Variants in DHX30 observed in about 807,000 individuals in gnomAD.
The protein encoded by DHX30 is DExH-box helicase 30, also known as ATP-dependent RNA helicase DHX30.
Under a neutral mutation model 116.9 loss-of-function variants are expected in DHX30, and 4 were observed. The observed-to-expected ratio is 0.03, with a 90% CI of 0.02 to 0.08. The LOEUF (loss-of-function observed/expected upper bound fraction) is 0.08. Ranked by LOEUF, DHX30 falls within the 10% of genes least tolerant of loss-of-function variation. The pLI is 1.00. For synonymous variants in DHX30, 697 were observed against 651.7 expected, an observed-to-expected ratio of 1.07 and a Z score of -1.06; for missense variants, 871 against 1,595.1, an observed-to-expected ratio of 0.55 and a Z score of 7.73.
At chr3:47,815,713 T>C (rs376577206) in intron 3 of DHX30, among the ~76,000 whole-genome samples, 1 of 3,436 alleles carries the variant, frequency 2.9e-4, no homozygotes, top group African/African-American at 1.2e-3. Flanking sequence ...AGCTGAACAA[T>C]AAAAAAGAGC....
intron 3 of DHX30, among the ~76,000 whole-genome samples, chr3:47,814,230 G>A (rs2035935918): frequency 6.7e-6 from 1 of 150,138 alleles, no homozygotes; most frequent in Non-Finnish European, 1.5e-5. Context: ...TTCGAGACCA[G>A]CCTGGCCAAC....
rs985267936 is a variant in DHX30 at position 47,837,633 on chromosome 3, C to G, written c.367-3244C>G. The stretch of plus-strand genomic sequence containing the variant: ...AAAATTAGCCGGGCCTGGTGGCGTA[C>G]GCCTGTAATCCCAGCTACACAGGAA... On this transcript the variant is annotated intron_variant, in intron 6 of 21. Coordinates refer to ENST00000445061, the MANE Select transcript of DHX30 (RefSeq NM_138615.3). 6.6e-5 allele frequency among the ~76,000 whole-genome samples: 10 copies of G among 152,248 alleles called. No homozygotes were observed. The South Asian group carries it at 1.5e-3, about 22-fold the overall frequency.
At chr3:47,842,804 C>T (rs2037440999) in intron 8 of DHX30, 1 of 286,060 alleles carries the variant, frequency 3.5e-6, no homozygotes, top group Non-Finnish European at 6.6e-6. Flanking sequence ...CAGCTTCAAC[C>T]CACAGCTGCC....
intron 4 of DHX30, chr3:47,824,969 TC>T (rs2036477185): frequency 2.0e-6 from 1 of 502,956 alleles, no homozygotes; most frequent in South Asian, 2.8e-5. Context: ...CGCGCGGCGC[TC>T]GGGCCGGCCG....
Position 47,818,066 on chromosome 3 carries a change from C to A in DHX30, c.73C>A (p.Arg25Ser), listed in dbSNP as rs370921443. 1.3e-6 allele frequency: 1 copy of A among 781,052 alleles called. No homozygotes were observed. The highest frequency in any genetic ancestry group is 2.4e-6 in the Non-Finnish European group (1 of 418,122). 48.4% of individuals were successfully genotyped at this position (781,052 alleles called of 1,614,324 possible). The change falls in exon 4 of 22, where the codon CGC (arginine) becomes AGC (serine). Residue 25 changes from arginine (R) to serine (S), a missense_variant. Around this residue, in one of 13 missense-constraint regions of DHX30, gnomAD observed 66 missense variants for 153.9 expected, o/e 0.43. Coordinates refer to ENST00000445061, the MANE Select transcript of DHX30 (RefSeq NM_138615.3). Reference sequence around the variant, plus strand: ...GCGTCAGTGCAAACTTCCCCCACCCCGCCTTCCACCCATGTGTGTCAACCC... The same window carrying A: ...GCGTCAGTGCAAACTTCCCCCACCCAGCCTTCCACCCATGTGTGTCAACCC... ...RQRQCKLPPP[R>S]LPPMCVNPTP...
In DHX30 at chr3:47,846,188, C is replaced by T. The variant is rs769188625; in HGVS notation, c.1116C>T (p.Ile372=). Residue 372 remains isoleucine, a synonymous_variant, in exon 11 of 22, where the codon ATC becomes ATT. Coordinates refer to ENST00000445061, the MANE Select transcript of DHX30 (RefSeq NM_138615.3). The part of the protein sequence containing the change: ...LNHYPVESSW[I]APELRLQSDD... ...AGTACCCTGTGGAGAGTTCATGGATCGCCCCAGAACTCCGGCTGCAGAGTG... is the reference window on the plus strand; with the variant it reads ...AGTACCCTGTGGAGAGTTCATGGATTGCCCCAGAACTCCGGCTGCAGAGTG... 4 of 1,613,346 alleles carry T rather than the reference C, an allele frequency of 2.5e-6. No homozygotes were observed. The highest frequency in any genetic ancestry group is 3.4e-6 in the Non-Finnish European group (4 of 1,179,934).
intron 6 of DHX30, among the ~76,000 whole-genome samples, chr3:47,836,644 G>A (rs2037131500): frequency 6.6e-6 from 1 of 151,784 alleles, no homozygotes. Flanking sequence ...TCAGCCTCCC[G>A]AGTAGCTGGG....
intron 5 of DHX30, 47 bp from the exon 6 acceptor site, chr3:47,828,977 C>A: frequency 8.3e-7 from 1 of 1,199,984 alleles, no homozygotes; most frequent in South Asian, 1.3e-5. Flanking sequence ...TGCAACAACT[C>A]TAGTCTGGAG....
At chr3:47,832,940 C>CTTTTTTTTTTTTT (rs752858732) in intron 6 of DHX30, among the ~76,000 whole-genome samples, 1 of 118,732 alleles carries the variant, frequency 8.4e-6, no homozygotes, top group Admixed American at 8.7e-5. Context: ...TGCCTGGCCT[C>CTTTTTTTTTTTTT]TTTTTTTTTT....
In DHX30 at chr3:47,846,645, C is replaced by A; in HGVS notation, c.1573C>A (p.Pro525Thr). 1 of 1,614,018 alleles carries A rather than the reference C, an allele frequency of 6.2e-7. No individual in the cohort carries two copies. Among genetic ancestry groups the A allele is most frequent in the Non-Finnish European group, 8.5e-7 (1 of 1,179,962 alleles). ...VGFQVRLESK[P>T]PSRGGALLFC... ...CTTCCAGGTGCGGTTGGAAAGTAAG[C>A]CCCCATCCCGAGGCGGGGCCCTGCT... The change falls in exon 11 of 22, where the codon CCC (proline) becomes ACC (threonine). Residue 525 changes from proline to threonine, a missense_variant. Physicochemically the swap from Pro to Thr is conservative, Grantham distance 38 (BLOSUM62 -1). Transcript: ENST00000445061.
At position 47,848,583 on chromosome 3, in the gene DHX30, A is replaced by AGTGGC; in HGVS notation, c.2575+34_2576-36dup. ...GGGGCTGGGCTGGGCTGGGCTGGGG[A>AGTGGC]GTGGCTCTCGAGGGTGGTACTGACA... On this transcript the variant is annotated intron_variant, in intron 16 of 21. Coordinates refer to ENST00000445061, the MANE Select transcript of DHX30 (RefSeq NM_138615.3). The surrounding 1 kb of genome is among the most constrained non-coding windows in gnomAD (Gnocchi z 9.4). 5.6e-6 allele frequency: 9 copies of AGTGGC among 1,613,718 alleles called. No homozygotes were observed. The highest frequency in any genetic ancestry group is 7.6e-6 in the Non-Finnish European group (9 of 1,179,916).
intron 4 of DHX30, among the ~76,000 whole-genome samples, chr3:47,822,653 C>T (rs2036350149): frequency 6.6e-6 from 1 of 152,060 alleles, no homozygotes; most frequent in South Asian, 2.1e-4. Flanking sequence ...GGCATGGTGG[C>T]ACGTACCTGT....
chr3:47,839,363 C>T (rs375960417), intron 6 of DHX30, among the ~76,000 whole-genome samples: 115 of 143,840 alleles, frequency 8.0e-4, no homozygotes, highest in African/African-American at 3.0e-3. Flanking sequence ...GGTGCGATCT[C>T]AGCTCACCGC....
chr3:47,848,025 C>T lies in DHX30; in HGVS notation c.2286+69C>T, dbSNP rs1170882535. 1 of 1,598,250 alleles carries T rather than the reference C, an allele frequency of 6.3e-7. No homozygotes were observed. The highest frequency in any genetic ancestry group is 1.3e-5 in the African/African-American group (1 of 74,690). On this transcript the variant is annotated intron_variant, in intron 14 of 21. Transcript: ENST00000445061. The surrounding 1 kb of genome is among the most constrained non-coding windows in gnomAD (Gnocchi z 9.4). ...CTCCGTTTTGAGGTGGTCCCCAGCC[C>T]AGATCTACCTTAGACCTGCTTTGTG...
chr3:47,838,971 T>C (rs2037242072), intron 6 of DHX30, among the ~76,000 whole-genome samples: 1 of 152,010 alleles, frequency 6.6e-6, no homozygotes, highest in Non-Finnish European at 1.5e-5. Flanking sequence ...TCTGTAGGCC[T>C]CAAGTGATCC....
Position 47,841,683 on chromosome 3 carries a change from C to G in DHX30, c.735C>G (p.Pro245=). ...AIRALTQFPL[P]KNLLAKVIQI... Reference sequence around the variant, plus strand: ...GGGCTCTGACCCAGTTTCCACTTCCCAAGAACCTTCTGGCCAAGGTGATTC... The same window carrying G: ...GGGCTCTGACCCAGTTTCCACTTCCGAAGAACCTTCTGGCCAAGGTGATTC... The change falls in exon 8 of 22, where the codon CCC becomes CCG. Residue 245 remains proline (P), a synonymous_variant. Transcript: ENST00000445061. 3.7e-6 allele frequency: 6 copies of G among 1,614,244 alleles called. No individual in the cohort carries two copies. In the East Asian group the frequency reaches 1.3e-4, roughly 36 times the overall value.
In DHX30 at chr3:47,839,592, C is replaced by A. The variant is rs113128094; in HGVS notation, c.367-1285C>A. Among the ~76,000 whole-genome samples, 1,319 of 152,112 alleles carry A rather than the reference C, an allele frequency of 8.7e-3. 10 individuals are homozygous for A. The highest frequency in any genetic ancestry group is 0.012 in the Non-Finnish European group (821 of 68,006). ...TACATGCGTGAGCCACCGTGCCCAG[C>A]CTTCAGGATTCTTATATTCTTATAT... On this transcript the variant is annotated intron_variant, in intron 6 of 21. Transcript: ENST00000445061.
intron 4 of DHX30, among the ~76,000 whole-genome samples, chr3:47,819,422 A>C (rs2036201838): frequency 6.6e-6 from 1 of 152,112 alleles, no homozygotes; most frequent in Non-Finnish European, 1.5e-5. Flanking sequence ...GCAGCCCCAC[A>C]AGTGCTGTGC....
At chr3:47,836,037 C>G (rs1384202259) in intron 6 of DHX30, among the ~76,000 whole-genome samples, 1 of 152,224 alleles carries the variant, frequency 6.6e-6, no homozygotes, top group Non-Finnish European at 1.5e-5. Flanking sequence ...TTACCCTGCT[C>G]AAAATAGCAA....
Sources: allele counts gnomAD v4.1 joint callset (sites outside exome capture counted in the v4.1 genomes callset), GRCh38; gene constraint gnomAD v4.1.1; regional missense constraint gnomAD v4.1.1; non-coding constraint Gnocchi (gnomAD v3.1); transcripts MANE v1.5; gene names NCBI Gene and HGNC (gene_info 2026-07-23, HGNC 2026-07-21).